MFN2: variants seen among roughly 807,000 people sequenced by gnomAD.
The protein encoded by MFN2 is mitofusin 2, also known as mitofusin-2.
A neutral mutation model predicts 87.5 loss-of-function variants in MFN2; 43 were observed. That is an observed-to-expected ratio of 0.49 (90% CI 0.38 to 0.63). The LOEUF (loss-of-function observed/expected upper bound fraction) is 0.63. Among genes scored for constraint, MFN2 ranks in the 30% least tolerant of loss-of-function variants. MFN2 has a pLI of 0.00. For synonymous variants in MFN2, 337 were observed against 359.9 expected (o/e 0.94, Z 0.72); for missense variants, 743 against 972.8 (o/e 0.76, Z 3.14).
intron 8 of MFN2, among the ~76,000 whole-genome samples, chr1:12,000,224 C>T (rs943753717): frequency 6.6e-6 from 1 of 152,016 alleles, no homozygotes; most frequent in South Asian, 2.1e-4. Context: ...TGGAGTTTTG[C>T]TCTTGTCACC....
At chr1:11,981,014 ACG>A (rs1645973808) in intron 1 of MFN2, among the ~76,000 whole-genome samples, 1 of 152,206 alleles carries the variant, frequency 6.6e-6, no homozygotes, top group African/African-American at 2.4e-5. Flanking sequence ...AGCTGTTAAG[ACG>A]CACGAAGGCA....
At chr1:12,002,137 G>A (rs1390720902) in intron 11 of MFN2, 34 bp downstream of exon 11, 1 of 1,612,996 alleles carries the variant, frequency 6.2e-7, no homozygotes, top group East Asian at 2.2e-5. Flanking sequence ...GGTGGAGAGA[G>A]CTGCCGAGAC....
chr1:12,000,800 C>T (rs1310892982), intron 8 of MFN2, among the ~76,000 whole-genome samples: 1 of 152,114 alleles, frequency 6.6e-6, no homozygotes, highest in Admixed American at 6.5e-5. Context: ...CCTTTCCTGC[C>T]AGGGCACCAA....
At chr1:11,993,126 C>T (rs1272574153) in intron 4 of MFN2, among the ~76,000 whole-genome samples, 2 of 151,434 alleles carry the variant, frequency 1.3e-5, no homozygotes, top group African/African-American at 2.4e-5. Context: ...AGCCATTAAA[C>T]AATAACTCCC....
rs376175598 is a variant in MFN2 at position 12,002,147 on chromosome 1, C to G, written c.1160+44C>G. On this transcript the variant is annotated intron_variant, in intron 11 of 18. Coordinates refer to ENST00000235329, the MANE Select transcript of MFN2 (RefSeq NM_014874.4). ...AGATAGGTGGAGAGAGCTGCCGAGA[C>G]AAGGGTGCTCCACCCCTGCCTTGGG... The G allele has an allele frequency of 1.4e-5, 22 of 1,613,680 alleles. 1 individual carries two copies. The highest frequency in any genetic ancestry group is 1.6e-4 in the Middle Eastern group (1 of 6,078).
At position 12,012,520 on chromosome 1, in the gene MFN2, C is replaced by T. The variant is rs1411242673; in HGVS notation, c.*955C>T. On this transcript the variant is annotated 3_prime_UTR_variant, in exon 19 of 19. Transcript: ENST00000235329. ...ACTTGGCCTCGTTCTGCGAGGGGCTCATGGGTCTGAGAGCCCCCACCCACT... is the reference window on the plus strand; with the variant it reads ...ACTTGGCCTCGTTCTGCGAGGGGCTTATGGGTCTGAGAGCCCCCACCCACT... The T allele has an allele frequency of 1.3e-5, 2 of 152,320 alleles. No individual in the cohort carries two copies. Among genetic ancestry groups the T allele is most frequent in the African/African-American group, 4.8e-5 (2 of 41,430 alleles). 9.4% of individuals were successfully genotyped at this position (152,320 alleles called of 1,614,324 possible).
intron 11 of MFN2, among the ~76,000 whole-genome samples, chr1:12,002,521 C>T (rs575667541): frequency 4.6e-4 from 70 of 152,332 alleles, no homozygotes; most frequent in African/African-American, 1.7e-3. Flanking sequence ...GATCCCATCT[C>T]TACAAGAATT....
Position 12,009,709 on chromosome 1 carries a change from C to A in MFN2, c.2187C>A (p.Ser729Arg). ...TTGAGGTTCTTGACTCACTTCAGAG[C>A]AAAGCAAAGCTGCTCAGGTGAGGCT... is the stretch of plus-strand genomic sequence containing the variant. ...KKIEVLDSLQSKAKLLRNKAG... is the reference protein window; with the variant it reads ...KKIEVLDSLQRKAKLLRNKAG... Residue 729 changes from serine (S) to arginine (R), a missense_variant, in exon 18 of 19, where the codon AGC becomes AGA. Physicochemically the swap from Ser to Arg is moderately radical, Grantham distance 110. Transcript: ENST00000235329. 1.2e-6 allele frequency: 2 copies of A among 1,614,228 alleles called. No homozygotes were observed. The highest frequency in any genetic ancestry group is 2.7e-5 in the African/African-American group (2 of 75,056).
At chr1:11,980,885 T>C (rs1419838183) in intron 1 of MFN2, among the ~76,000 whole-genome samples, 1 of 152,222 alleles carries the variant, frequency 6.6e-6, no homozygotes, top group Non-Finnish European at 1.5e-5. Flanking sequence ...TTCAGCCCTG[T>C]TTACTTATAT....
At chr1:11,982,845 A>G (rs1211121511) in intron 2 of MFN2, among the ~76,000 whole-genome samples, 1 of 152,190 alleles carries the variant, frequency 6.6e-6, no homozygotes, top group African/African-American at 2.4e-5. Flanking sequence ...GGAGAGTACC[A>G]GAAAGAGTGG....
At position 12,004,499 on chromosome 1, in the gene MFN2, T is replaced by C. The variant is rs201151182; in HGVS notation, c.1288-10T>C. On this transcript the variant is annotated splice_polypyrimidine_tract_variant and intron_variant, in intron 12 of 18. Transcript: ENST00000235329. This position sits in a 1 kb window ranked among gnomAD's most constrained non-coding sequence, Gnocchi z 4.2. ...CTTGATACTTAACAGTGTGCTTCCT[T>C]TTGCTGTAGGTGTCGACTGCAATGG... is the stretch of plus-strand genomic sequence containing the variant. 6.9e-5 allele frequency: 112 copies of C among 1,612,936 alleles called. No individual in the cohort carries two copies. The highest frequency in any genetic ancestry group is 2.5e-4 in the East Asian group (11 of 44,860).
intron 5 of MFN2, 80 bp from the exon 6 acceptor site, chr1:11,997,217 T>G: frequency 6.3e-7 from 1 of 1,595,252 alleles, no homozygotes; most frequent in Non-Finnish European, 8.6e-7. Context: ...CCAGCCACTG[T>G]GCTGTGATGC....
rs2100838673 is a variant in MFN2, at chr1:12,001,312, C to T, written c.817-89C>T. On this transcript the variant is annotated intron_variant, in intron 8 of 18. Coordinates refer to ENST00000235329, the MANE Select transcript of MFN2 (RefSeq NM_014874.4). ...ACAGGCGTCAGCCACCATGCCCAGC[C>T]TCTTATGACCTATTCTTTTAATAAA... 2.6e-6 allele frequency: 4 copies of T among 1,548,048 alleles called. No homozygotes were observed. The South Asian group carries it at 4.7e-5, about 18-fold the overall frequency.
At chr1:11,993,120 A>G (rs1213497337) in intron 4 of MFN2, among the ~76,000 whole-genome samples, 1 of 152,156 alleles carries the variant, frequency 6.6e-6, no homozygotes, top group East Asian at 1.9e-4. Flanking sequence ...TATTATAGCC[A>G]TTAAACAATA....
chr1:12,009,069 G>A (rs957531029), intron 17 of MFN2, among the ~76,000 whole-genome samples: 4 of 152,212 alleles, frequency 2.6e-5, no homozygotes, highest in African/African-American at 9.6e-5. Flanking sequence ...GCGTGGCGGC[G>A]CGCGCCTGCA....
At chr1:11,991,044 C>T (rs1020005914) in intron 3 of MFN2, among the ~76,000 whole-genome samples, 12 of 152,304 alleles carry the variant, frequency 7.9e-5, no homozygotes, top group East Asian at 5.8e-4. Context: ...GCTAAACACC[C>T]GTCTGTGTTC....
rs770648317 is a variant in MFN2, at chr1:11,989,330, C to T, written c.162C>T (p.Ala54=). The T allele has an allele frequency of 3.7e-6, 6 of 1,613,982 alleles. No individual in the cohort carries two copies. In the South Asian group the frequency reaches 6.6e-5, roughly 18 times the overall value. The change falls in exon 3 of 19, where the codon GCC becomes GCT. Residue 54 remains alanine, a synonymous_variant. Coordinates refer to ENST00000235329, the MANE Select transcript of MFN2 (RefSeq NM_014874.4). ...TGGGGGCCTACATCCAGGAGAGCGC[C>T]ACCTTCCTTGAAGGTAAGGGGGCAC... ...EQLGAYIQES[A]TFLEDTYRNA...
intron 17 of MFN2, among the ~76,000 whole-genome samples, chr1:12,008,952 C>T (rs1639565803): frequency 6.6e-6 from 1 of 152,248 alleles, no homozygotes. Flanking sequence ...AATCCCGGCA[C>T]CTCGGGAGGC....
chr1:11,999,296 C>CA (rs1639070783), intron 8 of MFN2, among the ~76,000 whole-genome samples: 1 of 152,202 alleles, frequency 6.6e-6, no homozygotes. Flanking sequence ...ACCCCCTCTT[C>CA]AAGCCACTCT....
Sources: allele counts gnomAD v4.1 joint callset (sites outside exome capture counted in the v4.1 genomes callset), GRCh38; gene constraint gnomAD v4.1.1; non-coding constraint Gnocchi (gnomAD v3.1); transcripts MANE v1.5; gene names NCBI Gene and HGNC (gene_info 2026-07-23, HGNC 2026-07-21).